DMD: variants seen among roughly 807,000 people sequenced by gnomAD.
DMD encodes the protein mutant dystrophin.
In DMD, 63 loss-of-function variants were observed where a neutral mutation model predicts 330.1. The ratio of observed to expected loss-of-function variants is 0.19; its 90% confidence interval spans 0.16 to 0.24. DMD has a LOEUF of 0.24. Among genes scored for constraint, DMD ranks in the 10% least tolerant of loss-of-function variants. DMD has a pLI of 1.00. For synonymous variants in DMD, 1,223 were observed against 959.8 expected, an observed-to-expected ratio of 1.27 and a Z score of -5.07; for missense variants, 3,344 against 2,684.1, an observed-to-expected ratio of 1.25 and a Z score of -5.43.
chrX:33,009,588 GTATGTGTGTATGTGTATA>G lies in DMD; in HGVS notation c.93+10533_93+10550del, dbSNP rs2093577693. On this transcript the variant is annotated intron_variant, in intron 2 of 78. Coordinates refer to ENST00000357033, the MANE Select transcript of DMD (RefSeq NM_004006.3). ...TGTATGTGTATATACACATATGTGT[GTATGTGTGTATGTGTATA>G]TACACATATGTGTGTATGTGTGTAT... 4.6e-5 allele frequency among the ~76,000 whole-genome samples: 2 copies of G among 43,371 alleles called. 1 individual carries two copies. Among genetic ancestry groups the G allele is most frequent in the African/African-American group, 1.4e-4 (2 of 13,836 alleles). 37.7% of individuals were successfully genotyped at this position (43,371 alleles called of 115,157 possible).
At chrX:32,001,918 C>T (rs745771566) in intron 44 of DMD, among the ~76,000 whole-genome samples, 44 of 111,541 alleles carry the variant, frequency 3.9e-4, no homozygotes, top group Admixed American at 7.6e-4. Context: ...ATCACATTCC[C>T]TGGAAAGTAA....
At chrX:33,281,301 C>T (rs143477034) in intron 1 of DMD, among the ~76,000 whole-genome samples, 2,028 of 108,311 alleles carry the variant, frequency 0.019, 47 homozygotes, top group African/African-American at 0.064. Context: ...CTCTCTCTCC[C>T]GGGTTCAAGA....
intron 17 of DMD, among the ~76,000 whole-genome samples, chrX:32,519,263 TAAAA>T (rs201722710): frequency 0.27 from 18,320 of 69,048 alleles, 1,590 homozygotes; most frequent in Middle Eastern, 0.35. Context: ...AAGTGGAATC[TAAAA>T]AAAAAAAAAA....
At chrX:31,885,399 A>G (rs1377647130) in intron 47 of DMD, among the ~76,000 whole-genome samples, 4 of 110,353 alleles carry the variant, frequency 3.6e-5, no homozygotes, top group Non-Finnish European at 7.6e-5. Context: ...TCATAAGGTC[A>G]GGAGATCGAG....
chrX:33,033,696 C>T (rs1419150964), intron 1 of DMD, among the ~76,000 whole-genome samples: 16 of 108,978 alleles, frequency 1.5e-4, no homozygotes, highest in African/African-American at 4.4e-4. Flanking sequence ...CCAGCCTGGG[C>T]GACAGAGCGA....
At position 31,935,634 on chromosome X, in the gene DMD, T is replaced by C. The variant is rs180740602; in HGVS notation, c.6615-3407A>G. ...TCCATTACTATTTGACTCCAGATGA[T>C]TTTGCACAGTGTTCTGAATACTTTT... On this transcript the variant is annotated intron_variant, in intron 45 of 78. Transcript: ENST00000357033. Among the ~76,000 whole-genome samples the C allele has an allele frequency of 1.7e-3, 187 of 111,681 alleles. No homozygotes were observed. The Middle Eastern group carries it at 0.028, about 16-fold the overall frequency.
intron 17 of DMD, among the ~76,000 whole-genome samples, chrX:32,520,159 A>AG (rs1374235795): frequency 2.7e-5 from 3 of 111,522 alleles, no homozygotes; most frequent in African/African-American, 9.8e-5. Flanking sequence ...GTCATATATG[A>AG]TTTTTATCTT....
chrX:32,312,068 A>G (rs1366852309), intron 41 of DMD, among the ~76,000 whole-genome samples: 1 of 111,791 alleles, frequency 8.9e-6, no homozygotes, highest in Admixed American at 9.5e-5. Flanking sequence ...TTAATGATAC[A>G]TTTTACACCT....
At chrX:32,160,212 T>G (rs1177012914) in intron 44 of DMD, among the ~76,000 whole-genome samples, 6 of 106,969 alleles carry the variant, frequency 5.6e-5, no homozygotes, top group Non-Finnish European at 5.7e-5. Context: ...AACTTTGGTT[T>G]TTTTTTTTTT....
intron 41 of DMD, among the ~76,000 whole-genome samples, chrX:32,325,264 G>A (rs2097645321): frequency 9.0e-6 from 1 of 110,886 alleles, no homozygotes; most frequent in Non-Finnish European, 1.9e-5. Context: ...ATGAAGAGTA[G>A]TAAAGTTTCC....
intron 2 of DMD, among the ~76,000 whole-genome samples, chrX:32,862,353 C>T (rs919876687): frequency 8.9e-6 from 1 of 111,893 alleles, no homozygotes; most frequent in African/African-American, 3.3e-5. Context: ...GATGTGCATT[C>T]GAACTTTAAA....
chrX:32,377,537 A>G (rs775936312), intron 34 of DMD, among the ~76,000 whole-genome samples: 1 of 111,917 alleles, frequency 8.9e-6, no homozygotes, highest in Non-Finnish European at 1.9e-5. Context: ...TTCTAGTACT[A>G]TGACATACAC....
intron 5 of DMD, among the ~76,000 whole-genome samples, chrX:32,822,531 ATAT>A (rs1402294432): frequency 1.8e-5 from 2 of 110,497 alleles, no homozygotes; most frequent in Non-Finnish European, 3.8e-5. Context: ...TGAGTGGATA[ATAT>A]TAGTGGATAT....
intron 44 of DMD, among the ~76,000 whole-genome samples, chrX:32,157,726 T>C (rs967030743): frequency 5.4e-5 from 6 of 112,109 alleles, no homozygotes; most frequent in Admixed American, 9.5e-5. Flanking sequence ...ATAGAAATCC[T>C]TTCCCTCTGA....
At chrX:31,728,300 C>T (rs1445422110) in intron 52 of DMD, among the ~76,000 whole-genome samples, 1 of 112,506 alleles carries the variant, frequency 8.9e-6, no homozygotes, top group Non-Finnish European at 1.9e-5. Context: ...GCTGGGATTA[C>T]AGGCGTGAGC....
Position 31,907,868 on chromosome X carries a change from C to G in DMD, c.6912+21728G>C, listed in dbSNP as rs2094496452. ...TCTACAAAGAACTTAAACAAATTTA[C>G]AAGAAAAAAACCAACCTCATCGAAA... On this transcript the variant is annotated intron_variant, in intron 47 of 78. Transcript: ENST00000357033. Among the ~76,000 whole-genome samples, 2 of 112,296 alleles carry G rather than the reference C, an allele frequency of 1.8e-5. 1 individual carries two copies. Among genetic ancestry groups the G allele is most frequent in the Admixed American group, 1.9e-4 (2 of 10,629 alleles).
intron 4 of DMD, among the ~76,000 whole-genome samples, chrX:32,842,552 C>CT (rs2080262753): frequency 9.0e-6 from 1 of 111,562 alleles, no homozygotes; most frequent in South Asian, 3.8e-4. Flanking sequence ...CCCATACACC[C>CT]TTTCATGATT....
chrX:31,709,867 C>A (rs2084502426), intron 52 of DMD, among the ~76,000 whole-genome samples: 1 of 111,076 alleles, frequency 9.0e-6, no homozygotes, highest in Admixed American at 9.7e-5. Flanking sequence ...CTTTAAGTCT[C>A]TCTTTTTATG....
intron 24 of DMD, 33 bp downstream of exon 24, chrX:32,464,553 A>G (rs2098394813): frequency 3.9e-6 from 4 of 1,017,611 alleles, no homozygotes; most frequent in Non-Finnish European, 5.6e-6. Flanking sequence ...ATACAAAATT[A>G]TTCATATTAA....
Sources: gnomAD v4.1 joint callset for allele counts (sites outside exome capture counted in the v4.1 genomes callset) on GRCh38, gnomAD v4.1.1 for gene constraint, MANE v1.5 for transcripts, NCBI Gene and HGNC (gene_info 2026-07-23, HGNC 2026-07-21) for gene names.